The following NOX4 variants were observed in gnomAD, a reference collection of about 807,000 sequenced individuals.
The protein encoded by NOX4 is NADPH oxidase 4.
A neutral mutation model predicts 87.6 loss-of-function variants in NOX4; 69 were observed. The observed-to-expected ratio is 0.79, with a 90% CI of 0.65 to 0.96. The LOEUF (loss-of-function observed/expected upper bound fraction) is 0.96. Ranked by LOEUF, NOX4 falls within the 40% of genes least tolerant of loss-of-function variation. The pLI is 0.00. For missense variants in NOX4, 680 were observed against 681.5 expected (o/e 1.00, Z 0.02); for synonymous variants, 275 against 238.2 (o/e 1.15, Z -1.42).
At position 89,402,308 on chromosome 11, in the gene NOX4, A is replaced by G; in HGVS notation, c.846+18T>C. On this transcript the variant is annotated intron_variant, in intron 9 of 17. Coordinates refer to ENST00000263317, the MANE Select transcript of NOX4 (RefSeq NM_016931.5). Reference sequence around the variant, plus strand: ...TGGAAACAAACTTTGTGGAGATCAAACACAAAATTAATCTGACCTGTGGAA... The same window carrying G: ...TGGAAACAAACTTTGTGGAGATCAAGCACAAAATTAATCTGACCTGTGGAA... 1 of 1,588,310 alleles carries G rather than the reference A, an allele frequency of 6.3e-7. No homozygotes were observed. Among genetic ancestry groups the G allele is most frequent in the Non-Finnish European group, 8.6e-7 (1 of 1,156,972 alleles).
chr11:89,473,050 T>C (rs1464241225), intron 2 of NOX4, among the ~76,000 whole-genome samples: 1 of 152,200 alleles, frequency 6.6e-6, no homozygotes, highest in Non-Finnish European at 1.5e-5. Context: ...GAAATATTTT[T>C]TGGTTCATCT....
chr11:89,445,491 A>G (rs1385250028), intron 4 of NOX4, among the ~76,000 whole-genome samples: 2 of 152,148 alleles, frequency 1.3e-5, no homozygotes, highest in Admixed American at 1.3e-4. Context: ...ACAGTAATCA[A>G]GAATGTATGG....
chr11:89,501,095 G>A (rs1025960454), upstream of NOX4, among the ~76,000 whole-genome samples: 2 of 151,940 alleles, frequency 1.3e-5, no homozygotes, highest in African/African-American at 4.8e-5. Flanking sequence ...TTTTTTTAAT[G>A]TCGTATTTTT....
chr11:89,444,303 C>A lies in NOX4; in HGVS notation c.350-71G>T. ...CTCTATGTCAAGGACTCAGTTCTTC[C>A]TCTCCCTAAGTAAATACAGGGCCAA... On this transcript the variant is annotated intron_variant, in intron 4 of 17. Coordinates refer to ENST00000263317, the MANE Select transcript of NOX4 (RefSeq NM_016931.5). 4 of 1,275,960 alleles carry A rather than the reference C, an allele frequency of 3.1e-6. No individual in the cohort carries two copies. The South Asian group carries it at 4.9e-5, about 16-fold the overall frequency. The allele number at this position is 1,275,960 out of a possible 1,614,324, so 79.0% of individuals were successfully genotyped here.
intron 6 of NOX4, among the ~76,000 whole-genome samples, chr11:89,438,394 T>C (rs188080214): frequency 0.016 from 1,747 of 111,928 alleles, 61 homozygotes; most frequent in African/African-American, 0.06. Context: ...TATATAATTA[T>C]AATATAAATA....
chr11:89,564,511 T>G, the NOX4 span, among the ~76,000 whole-genome samples: 1 of 152,106 alleles, frequency 6.6e-6, no homozygotes, highest in East Asian at 1.9e-4. Context: ...AGATTATAAT[T>G]AAACATGAGA....
chr11:89,397,062 C>A (rs139063669), intron 11 of NOX4, among the ~76,000 whole-genome samples: 5 of 151,966 alleles, frequency 3.3e-5, no homozygotes, highest in African/African-American at 1.2e-4. Flanking sequence ...GACCACATAG[C>A]TGGAAGTAAA....
chr11:89,490,939 T>C (rs1946827103), intron 1 of NOX4: 2 of 691,216 alleles, frequency 2.9e-6, no homozygotes, highest in Admixed American at 2.1e-5. Context: ...TCACGGAAAA[T>C]GACCTCTTCC....
chr11:89,361,687 CAT>C (rs1168675703), intron 12 of NOX4, among the ~76,000 whole-genome samples: 2 of 152,136 alleles, frequency 1.3e-5, no homozygotes, highest in Non-Finnish European at 1.5e-5. Context: ...AGTGGGGCCA[CAT>C]GTCTTTGTTT....
At chr11:89,486,505 C>CAT (rs1459775331) in intron 2 of NOX4, among the ~76,000 whole-genome samples, 1 of 144,374 alleles carries the variant, frequency 6.9e-6, no homozygotes, top group Non-Finnish European at 1.5e-5. Flanking sequence ...CATATATACA[C>CAT]ATATATACAC....
chr11:89,431,946 C>A (rs180906123), intron 7 of NOX4, among the ~76,000 whole-genome samples: 3,359 of 152,172 alleles, frequency 0.022, 129 homozygotes, highest in African/African-American at 0.077. Flanking sequence ...GACTTGGAAC[C>A]AACCCAAATG....
At position 89,402,393 on chromosome 11, in the gene NOX4, T is replaced by G. The variant is rs749270674; in HGVS notation, c.779A>C (p.Glu260Ala). The change falls in exon 9 of 18, where the codon GAG (glutamate) becomes GCG (alanine). Residue 260 changes from glutamate (E) to alanine (A), a missense_variant. Transcript: ENST00000263317. The part of the protein sequence containing the change: ...PFPEGFSKPA[E>A]FTQHKFVKIC... The stretch of plus-strand genomic sequence containing the variant: ...CTTCACAAATTTGTGCTGGGTAAAC[T>G]CTGCCGGTTTTGAAAATCCTTCAGG... The G allele has an allele frequency of 3.1e-6, 5 of 1,613,302 alleles. No homozygotes were observed. The highest frequency in any genetic ancestry group is 3.4e-6 in the Non-Finnish European group (4 of 1,179,672).
rs1847145 is a variant in NOX4, at chr11:89,410,209, G to A, written c.630-7667C>T. On this transcript the variant is annotated intron_variant, in intron 8 of 17. Transcript: ENST00000263317. ...AGATTTAAAAGCTAATTCCTTTGGC[G>A]TGGGAATCAATATACTAGTTGCCAT... is the stretch of plus-strand genomic sequence containing the variant. Among the ~76,000 whole-genome samples, 656 of 152,228 alleles carry A rather than the reference G, an allele frequency of 4.3e-3. 3 individuals are homozygous for A. Among genetic ancestry groups the A allele is most frequent in the Non-Finnish European group, 7.5e-3 (508 of 68,012 alleles).
At chr11:89,560,790 C>A in the NOX4 span, among the ~76,000 whole-genome samples, 3,265 of 151,334 alleles carry the variant, frequency 0.022, 115 homozygotes, top group African/African-American at 0.075. Context: ...CTTACACCAG[C>A]AACTCCCTGA....
intron 8 of NOX4, among the ~76,000 whole-genome samples, chr11:89,417,302 T>C (rs1284076398): frequency 2.6e-5 from 4 of 152,124 alleles, no homozygotes; most frequent in Admixed American, 2.6e-4. Context: ...CCTTCTGAGT[T>C]TTTCAAAAGA....
At chr11:89,471,932 A>G (rs1945962108) in intron 2 of NOX4, among the ~76,000 whole-genome samples, 1 of 152,168 alleles carries the variant, frequency 6.6e-6, no homozygotes, top group African/African-American at 2.4e-5. Flanking sequence ...TAGCAGAAAC[A>G]GGGTTTCACC....
chr11:89,579,611 A>G, the NOX4 span, among the ~76,000 whole-genome samples: 2 of 152,194 alleles, frequency 1.3e-5, no homozygotes, highest in Non-Finnish European at 2.9e-5. Flanking sequence ...TACAACATAT[A>G]GAGTGAACCT....
Position 89,330,462 on chromosome 11 carries a change from T to C in NOX4, c.1617-3586A>G, listed in dbSNP as rs550913253. On this transcript the variant is annotated intron_variant, in intron 17 of 17. Transcript: ENST00000263317. ...TTAATTTTGGCTTCATCAGAATCAT[T>C]TTAGAGACTTCATAGAACACAAATA... 5.3e-5 allele frequency among the ~76,000 whole-genome samples: 8 copies of C among 152,102 alleles called. No homozygotes were observed. The South Asian group carries it at 1.7e-3, about 31-fold the overall frequency.
chr11:89,449,020 T>C (rs1353129176), intron 4 of NOX4, among the ~76,000 whole-genome samples: 1 of 152,208 alleles, frequency 6.6e-6, no homozygotes, highest in African/African-American at 2.4e-5. Context: ...ATAGTCATTA[T>C]CAGCTTGGGG....
Sources: allele counts gnomAD v4.1 joint callset (sites outside exome capture counted in the v4.1 genomes callset), GRCh38; gene constraint gnomAD v4.1.1; transcripts MANE v1.5; gene names NCBI Gene and HGNC (gene_info 2026-07-23, HGNC 2026-07-21).